The following STARD13 variants were observed in gnomAD, a reference collection of about 807,000 sequenced individuals.
The protein encoded by STARD13 is StAR related lipid transfer domain containing 13.
A neutral mutation model predicts 106.4 loss-of-function variants in STARD13; 62 were observed. The observed-to-expected ratio is 0.58, with a 90% CI of 0.48 to 0.72. The LOEUF (loss-of-function observed/expected upper bound fraction) is 0.72, where lower values mean the gene tolerates loss of function less well. Ranked by LOEUF, STARD13 falls within the 30% of genes least tolerant of loss-of-function variation. The pLI, the probability that STARD13 is intolerant of heterozygous loss-of-function variation, is 0.00. For missense variants in STARD13, 1,387 were observed against 1,424.0 expected (o/e 0.97, Z 0.42); for synonymous variants, 565 against 553.0 (o/e 1.02, Z -0.31).
At chr13:33,487,934 T>C in the STARD13 span, among the ~76,000 whole-genome samples, 1 of 152,314 alleles carries the variant, frequency 6.6e-6, no homozygotes, top group Non-Finnish European at 1.5e-5. Flanking sequence ...CTTGTATTTG[T>C]GAGCTCCAAA....
At chr13:33,652,937 A>T in the STARD13 span, among the ~76,000 whole-genome samples, 3 of 152,192 alleles carry the variant, frequency 2.0e-5, no homozygotes, top group South Asian at 6.2e-4. Context: ...TGACATCAAA[A>T]GAAGAAAATA....
the STARD13 span, among the ~76,000 whole-genome samples, chr13:33,609,983 A>G: frequency 6.6e-6 from 1 of 152,222 alleles, no homozygotes; most frequent in Non-Finnish European, 1.5e-5. Context: ...GAAAAAAGTC[A>G]TGCTCCTGAA....
the STARD13 span, among the ~76,000 whole-genome samples, chr13:33,433,603 A>G: frequency 6.6e-6 from 1 of 152,186 alleles, no homozygotes; most frequent in Non-Finnish European, 1.5e-5. Flanking sequence ...CATCTCTGCT[A>G]AAACAGAGAT....
chr13:33,156,230 A>C (rs1385102989), intron 3 of STARD13, among the ~76,000 whole-genome samples: 1 of 152,196 alleles, frequency 6.6e-6, no homozygotes, highest in Non-Finnish European at 1.5e-5. Context: ...TTAGTATAGA[A>C]TATTCCAAGC....
the STARD13 span, among the ~76,000 whole-genome samples, chr13:33,523,018 C>T: frequency 6.6e-6 from 1 of 152,120 alleles, no homozygotes; most frequent in Non-Finnish European, 1.5e-5. Flanking sequence ...TTTATTATCA[C>T]GTGTGCTGAA....
At chr13:33,164,678 G>T (rs1883117720) in intron 3 of STARD13, among the ~76,000 whole-genome samples, 1 of 152,042 alleles carries the variant, frequency 6.6e-6, no homozygotes, top group African/African-American at 2.4e-5. Flanking sequence ...ATTGTTATTT[G>T]CTCAGGTATT....
chr13:33,106,681 T>C, intron 13 of STARD13, 77 bp downstream of exon 13: 6 of 1,297,866 alleles, frequency 4.6e-6, no homozygotes, highest in Non-Finnish European at 6.3e-6. Context: ...GAAATCAGGG[T>C]GACATCCCTG....
Position 33,105,528 on chromosome 13 carries a change from A to G in STARD13, c.*65T>C. 1 of 1,139,170 alleles carries G rather than the reference A, an allele frequency of 8.8e-7. No homozygotes were observed. Among genetic ancestry groups the G allele is most frequent in the Non-Finnish European group, 1.3e-6 (1 of 748,644 alleles). 70.6% of individuals were successfully genotyped at this position (1,139,170 alleles called of 1,614,324 possible). On this transcript the variant is annotated 3_prime_UTR_variant, in exon 14 of 14. Transcript: ENST00000336934. ...CTTTCTCTCGCTTTCTCACATGCAC[A>G]CTCTCTGCCACACTCGTCACTTTAG...
chr13:33,364,917 AG>A, the STARD13 span, among the ~76,000 whole-genome samples: 1 of 152,190 alleles, frequency 6.6e-6, no homozygotes, highest in African/African-American at 2.4e-5. Context: ...GAAAAACTAT[AG>A]GGTATGCATG....
upstream of STARD13, among the ~76,000 whole-genome samples, chr13:33,286,158 AAACAC>A (rs1892051803): frequency 6.6e-6 from 1 of 152,014 alleles, no homozygotes; most frequent in East Asian, 1.9e-4. Flanking sequence ...TAAATTTAAA[AAACAC>A]AACACAACAA....
intron 5 of STARD13, among the ~76,000 whole-genome samples, chr13:33,128,426 G>C (rs941930044): frequency 3.9e-5 from 6 of 152,122 alleles, no homozygotes; most frequent in African/African-American, 1.4e-4. Context: ...CTTCTGAAAC[G>C]GTCTTTGTAG....
At chr13:33,155,064 A>T (rs1248224483) in intron 3 of STARD13, among the ~76,000 whole-genome samples, 1 of 151,990 alleles carries the variant, frequency 6.6e-6, no homozygotes, top group Non-Finnish European at 1.5e-5. Flanking sequence ...GCTGTCCCTG[A>T]GTGACCTCAT....
the STARD13 span, among the ~76,000 whole-genome samples, chr13:33,554,523 C>T: frequency 2.6e-5 from 4 of 152,152 alleles, no homozygotes; most frequent in Non-Finnish European, 5.9e-5. Flanking sequence ...TGAATTAAGA[C>T]ATGGAATGTG....
chr13:33,346,636 T>A (rs892921587), downstream of STARD13, among the ~76,000 whole-genome samples: 2 of 152,012 alleles, frequency 1.3e-5, no homozygotes, highest in Admixed American at 6.6e-5. Flanking sequence ...TTATTTATTT[T>A]TTATTTTTTT....
the STARD13 span, among the ~76,000 whole-genome samples, chr13:33,451,910 G>GTCAC: frequency 2.6e-5 from 4 of 152,220 alleles, no homozygotes; most frequent in Admixed American, 2.6e-4. Context: ...CTAAAAGTTG[G>GTCAC]TAATTATGAA....
At chr13:33,434,845 T>C in the STARD13 span, among the ~76,000 whole-genome samples, 1 of 145,808 alleles carries the variant, frequency 6.9e-6, no homozygotes, top group Non-Finnish European at 1.5e-5. Flanking sequence ...GAACAAGACA[T>C]GGACTTTCTA....
At chr13:33,268,664 C>T (rs1211143942) in intron 1 of STARD13, among the ~76,000 whole-genome samples, 1 of 152,222 alleles carries the variant, frequency 6.6e-6, no homozygotes, top group Non-Finnish European at 1.5e-5. Context: ...CCAGCTAACG[C>T]CAAAGCCATG....
chr13:33,647,457 G>T, the STARD13 span, among the ~76,000 whole-genome samples: 1 of 152,150 alleles, frequency 6.6e-6, no homozygotes, highest in East Asian at 1.9e-4. Context: ...GGTCAACAGA[G>T]GTCATTCAGC....
At chr13:33,154,075 T>C (rs1341217180) in intron 3 of STARD13, among the ~76,000 whole-genome samples, 1 of 152,216 alleles carries the variant, frequency 6.6e-6, no homozygotes, top group African/African-American at 2.4e-5. Flanking sequence ...CAGAGATGGA[T>C]ATACTAATGC....
Sources: gnomAD v4.1 joint callset for allele counts (sites outside exome capture counted in the v4.1 genomes callset) on GRCh38, gnomAD v4.1.1 for gene constraint, MANE v1.5 for transcripts, NCBI Gene and HGNC (gene_info 2026-07-23, HGNC 2026-07-21) for gene names.